Variants in KIF5C observed in about 807,000 individuals in gnomAD.
KIF5C encodes kinesin family member 5C.
A neutral mutation model predicts 125.2 loss-of-function variants in KIF5C; 18 were observed. The ratio of observed to expected loss-of-function variants is 0.14; its 90% CI spans 0.10 to 0.21. The LOEUF (loss-of-function observed/expected upper bound fraction) is 0.21, where lower values mean the gene tolerates loss of function less well. Ranked by LOEUF, KIF5C falls within the 10% of genes least tolerant of loss-of-function variation. KIF5C has a pLI of 1.00. For missense variants in KIF5C, 780 were observed against 1,183.8 expected (o/e 0.66, Z 5.01); for synonymous variants, 405 against 434.0 (o/e 0.93, Z 0.83).
rs867604993 is a variant in KIF5C at position 149,011,581 on chromosome 2, C to T, written c.2779C>T (p.Arg927Cys). 9 of 1,614,034 alleles carry T rather than the reference C, an allele frequency of 5.6e-6. No individual in the cohort carries two copies. Among genetic ancestry groups the T allele is most frequent in the Middle Eastern group, 3.3e-4 (2 of 6,062 alleles). Residue 927 changes from arginine to cysteine, a missense_variant, in exon 25 of 26, where the codon CGC (arginine) becomes TGC (cysteine). Physicochemically the swap from Arg to Cys is radical, Grantham distance 180. Transcript: ENST00000435030. ...AHSAQIAKPI[R>C]PGHYPASSPT... ...TTGGTTGGATACAGCCAAGCCCATC[C>T]GCCCCGGACACTACCCGGCCTCATC...
chr2:149,020,914 C>T (rs1041160373), intron 25 of KIF5C, among the ~76,000 whole-genome samples: 4 of 152,222 alleles, frequency 2.6e-5, no homozygotes, highest in Admixed American at 6.5e-5. Context: ...CCAAAGACAT[C>T]TTACTCTCTG....
At chr2:148,903,541 G>A (rs112059183) in intron 1 of KIF5C, among the ~76,000 whole-genome samples, 3,062 of 152,256 alleles carry the variant, frequency 0.02, 93 homozygotes, top group African/African-American at 0.064. Context: ...TATTTCCAAG[G>A]CCCGTCATGC....
chr2:148,897,956 A>T (rs942000389), intron 1 of KIF5C, among the ~76,000 whole-genome samples: 4 of 119,958 alleles, frequency 3.3e-5, no homozygotes, highest in Non-Finnish European at 5.4e-5. Context: ...AAAAAAAAAA[A>T]AATCATCCTG....
At chr2:148,896,923 C>T (rs1680697414) in intron 1 of KIF5C, among the ~76,000 whole-genome samples, 1 of 152,062 alleles carries the variant, frequency 6.6e-6, no homozygotes, top group Non-Finnish European at 1.5e-5. Flanking sequence ...GCCTCCAGCT[C>T]CCAGGTTCAG....
intron 15 of KIF5C, among the ~76,000 whole-genome samples, chr2:148,984,606 G>A (rs1681328037): frequency 6.6e-6 from 1 of 152,060 alleles, no homozygotes; most frequent in Non-Finnish European, 1.5e-5. Context: ...TAATCCAGGA[G>A]GGAAACATAT....
At position 148,914,800 on chromosome 2, in the gene KIF5C, A is replaced by G. The variant is rs538310813; in HGVS notation, c.127-7337A>G. ...CAGGGGCAGCTCTGGCTTAGCACTT[A>G]TACTCCCAGTTACAGCGTCATCCCA... On this transcript the variant is annotated intron_variant, in intron 1 of 25. Coordinates refer to ENST00000435030, the MANE Select transcript of KIF5C (RefSeq NM_004522.3). Among the ~76,000 whole-genome samples, 117 of 152,342 alleles carry G rather than the reference A, an allele frequency of 7.7e-4. 1 individual carries two copies. The highest frequency in any genetic ancestry group is 1.5e-3 in the Non-Finnish European group (101 of 68,038).
intron 1 of KIF5C, among the ~76,000 whole-genome samples, chr2:148,891,626 A>T (rs1293754645): frequency 6.6e-6 from 1 of 152,218 alleles, no homozygotes; most frequent in Non-Finnish European, 1.5e-5. Context: ...TTGTAATTCT[A>T]ACAGTGTAGT....
rs140508103 is a variant in KIF5C at position 148,971,072 on chromosome 2, C to A, written c.1118-2264C>A. On this transcript the variant is annotated intron_variant, in intron 11 of 25. Coordinates refer to ENST00000435030, the MANE Select transcript of KIF5C (RefSeq NM_004522.3). Reference sequence around the variant, plus strand: ...TTCCCAAATTTCAGAAGCTAGAGCTCAAAAATTAGAGATACAGTCACAATC... The same window carrying A: ...TTCCCAAATTTCAGAAGCTAGAGCTAAAAAATTAGAGATACAGTCACAATC... Among the ~76,000 whole-genome samples the A allele has an allele frequency of 4.0e-3, 602 of 152,120 alleles. 3 individuals are homozygous for A. Among genetic ancestry groups the A allele is most frequent in the African/African-American group, 0.014 (569 of 41,488 alleles).
At chr2:148,998,750 G>C in intron 19 of KIF5C, 1 of 524,166 alleles carries the variant, frequency 1.9e-6, no homozygotes, top group Non-Finnish European at 3.3e-6. Context: ...CCTAGTCCCC[G>C]AGGGCCAGGG....
rs764145668 is a variant in KIF5C at position 149,011,589 on chromosome 2, A to G, written c.2787A>G (p.Gly929=). Residue 929 remains glycine, a synonymous_variant, in exon 25 of 26, where the codon GGA becomes GGG. Coordinates refer to ENST00000435030, the MANE Select transcript of KIF5C (RefSeq NM_004522.3). The part of the protein sequence containing the change: ...SAQIAKPIRP[G]HYPASSPTAV... The stretch of plus-strand genomic sequence containing the variant: ...ATACAGCCAAGCCCATCCGCCCCGG[A>G]CACTACCCGGCCTCATCTCCAACGG... 1 of 1,614,044 alleles carries G rather than the reference A, an allele frequency of 6.2e-7. No homozygotes were observed. The highest frequency in any genetic ancestry group is 8.5e-7 in the Non-Finnish European group (1 of 1,179,904).
chr2:148,926,857 G>A (rs1558898957), intron 2 of KIF5C, among the ~76,000 whole-genome samples: 1 of 152,178 alleles, frequency 6.6e-6, no homozygotes, highest in Non-Finnish European at 1.5e-5. Context: ...CTGGAGAGAG[G>A]TTCTGCAGCA....
chr2:148,943,854 C>G (rs1022020490), intron 7 of KIF5C, among the ~76,000 whole-genome samples: 3 of 152,180 alleles, frequency 2.0e-5, no homozygotes, highest in Non-Finnish European at 4.4e-5. Flanking sequence ...AGCAATGTAT[C>G]AGATGATATT....
chr2:148,933,481 G>A (rs1254186414), intron 3 of KIF5C, among the ~76,000 whole-genome samples: 1 of 150,186 alleles, frequency 6.7e-6, no homozygotes, highest in Non-Finnish European at 1.5e-5. Context: ...CACACACACA[G>A]ACATATGCAC....
intron 1 of KIF5C, among the ~76,000 whole-genome samples, chr2:148,902,636 T>C (rs1680950664): frequency 6.6e-6 from 1 of 152,296 alleles, no homozygotes; most frequent in East Asian, 1.9e-4. Flanking sequence ...CTGTAGTAAG[T>C]ACTTTGCCAT....
chr2:148,978,156 C>T (rs1681127780), intron 12 of KIF5C, among the ~76,000 whole-genome samples: 2 of 152,044 alleles, frequency 1.3e-5, no homozygotes, highest in Non-Finnish European at 1.5e-5. Context: ...GCTTTGCCTG[C>T]ACTGGGGGTG....
At chr2:148,983,843 T>C in intron 15 of KIF5C, 77 bp downstream of exon 15, 1 of 1,445,200 alleles carries the variant, frequency 6.9e-7, no homozygotes, top group Non-Finnish European at 9.2e-7. Context: ...CTTTTAAGCA[T>C]TCAATGCTTA....
intron 8 of KIF5C, 135 bp from the exon 9 acceptor site, chr2:148,949,704 C>T: frequency 3.2e-6 from 4 of 1,256,416 alleles, no homozygotes; most frequent in Non-Finnish European, 2.2e-6. Flanking sequence ...TTTTTTATCA[C>T]TGTGGGTCTT....
intron 12 of KIF5C, among the ~76,000 whole-genome samples, chr2:148,978,509 T>C (rs754886846): frequency 2.0e-5 from 3 of 152,132 alleles, no homozygotes; most frequent in Admixed American, 2.0e-4. Flanking sequence ...TACTGATGCA[T>C]TTGACAAGAT....
chr2:149,017,223 C>T (rs1459459920), intron 25 of KIF5C, among the ~76,000 whole-genome samples: 3 of 151,988 alleles, frequency 2.0e-5, no homozygotes, highest in Admixed American at 6.6e-5. Context: ...TAGTTGTGTG[C>T]GATGGTGATG....
Sources: allele counts gnomAD v4.1 joint callset (sites outside exome capture counted in the v4.1 genomes callset), GRCh38; gene constraint gnomAD v4.1.1; transcripts MANE v1.5; gene names NCBI Gene and HGNC (gene_info 2026-07-23, HGNC 2026-07-21).